The following RBKS variants were observed in gnomAD, a reference collection of about 807,000 sequenced individuals.
The protein encoded by RBKS is ribokinase.
In RBKS, 33 loss-of-function variants were observed where a neutral mutation model predicts 33.9. The observed-to-expected ratio is 0.97, with a 90% CI of 0.74 to 1.30. RBKS has a LOEUF of 1.30. RBKS is among the 50% of genes most tolerant of loss of function. The pLI is 0.00. For missense variants in RBKS, 361 were observed against 392.6 expected (o/e 0.92, Z 0.68); for synonymous variants, 125 against 143.0 (o/e 0.87, Z 0.90).
intron 7 of RBKS, among the ~76,000 whole-genome samples, chr2:27,786,774 G>A (rs1273357963): frequency 3.8e-5 from 5 of 133,260 alleles, no homozygotes; most frequent in Admixed American, 1.6e-4. Flanking sequence ...GAGTGAGACT[G>A]TCTCAAAAAA....
At position 27,890,252 on chromosome 2, in the gene RBKS, C is replaced by G; in HGVS notation, c.89+5G>C. 1 of 1,613,404 alleles carries G rather than the reference C, an allele frequency of 6.2e-7. No individual in the cohort carries two copies. The highest frequency in any genetic ancestry group is 8.5e-7 in the Non-Finnish European group (1 of 1,179,866). On this transcript the variant is annotated splice_donor_5th_base_variant and intron_variant, in intron 1 of 7. Coordinates refer to ENST00000302188, the MANE Select transcript of RBKS (RefSeq NM_022128.3). This position sits in a 1 kb window ranked among gnomAD's most constrained non-coding sequence, Gnocchi z 4.8. ...CGCAGACTGAGTAACTGGCCCCGGA[C>G]TAACCTGACCAGGTCGGTCATGCAG...
intron 2 of RBKS, among the ~76,000 whole-genome samples, chr2:27,858,001 T>C (rs1474783806): frequency 3.3e-5 from 5 of 152,210 alleles, no homozygotes; most frequent in Non-Finnish European, 5.9e-5. Context: ...AATTGTGGTA[T>C]ATCCATACAA....
At chr2:27,784,262 C>A (rs1677356554) in intron 7 of RBKS, among the ~76,000 whole-genome samples, 1 of 151,672 alleles carries the variant, frequency 6.6e-6, no homozygotes, top group Non-Finnish European at 1.5e-5. Flanking sequence ...GGATTACAGG[C>A]GTGAGCCACC....
intron 4 of RBKS, among the ~76,000 whole-genome samples, chr2:27,843,725 T>C (rs1663561077): frequency 6.6e-6 from 1 of 152,208 alleles, no homozygotes; most frequent in Non-Finnish European, 1.5e-5. Context: ...ATCTAACAGA[T>C]AGAAAATTGT....
intron 5 of RBKS, among the ~76,000 whole-genome samples, chr2:27,842,746 T>A (rs1663537476): frequency 6.6e-6 from 1 of 151,594 alleles, no homozygotes. Context: ...AACCTCCACC[T>A]CTAGGGTTCA....
At chr2:27,861,260 G>A (rs955880674) in intron 1 of RBKS, among the ~76,000 whole-genome samples, 2 of 151,934 alleles carry the variant, frequency 1.3e-5, no homozygotes, top group South Asian at 2.1e-4. Context: ...GAGCCACCGC[G>A]CCCAGCCTCC....
intron 7 of RBKS, among the ~76,000 whole-genome samples, chr2:27,792,867 C>A (rs988939201): frequency 6.7e-6 from 1 of 148,632 alleles, no homozygotes; most frequent in Admixed American, 6.6e-5. Flanking sequence ...CAGAGTACCT[C>A]ATTTTGCCAG....
intron 7 of RBKS, among the ~76,000 whole-genome samples, chr2:27,802,628 G>C (rs55768808): frequency 0.035 from 5,353 of 152,240 alleles, 313 homozygotes; most frequent in African/African-American, 0.12. Context: ...GGGACTTCTA[G>C]TGAGTTAAGA....
intron 7 of RBKS, among the ~76,000 whole-genome samples, chr2:27,824,364 A>G (rs1205115751): frequency 1.3e-5 from 2 of 152,162 alleles, no homozygotes; most frequent in African/African-American, 4.8e-5. Flanking sequence ...CTCCTTACCC[A>G]TTAGGCAGTT....
chr2:27,880,418 G>C (rs2148231443), intron 1 of RBKS, among the ~76,000 whole-genome samples: 1 of 152,240 alleles, frequency 6.6e-6, no homozygotes, highest in South Asian at 2.1e-4. Flanking sequence ...GGAAGTCCTT[G>C]CCAGAGTAAC....
intron 2 of RBKS, among the ~76,000 whole-genome samples, chr2:27,851,095 C>G (rs1256259091): frequency 1.3e-5 from 2 of 152,182 alleles, no homozygotes; most frequent in Admixed American, 1.3e-4. Flanking sequence ...TGCAGGTGAG[C>G]ATTACTTCAA....
intron 7 of RBKS, among the ~76,000 whole-genome samples, chr2:27,792,381 A>G (rs1357669978): frequency 6.6e-6 from 1 of 152,240 alleles, no homozygotes; most frequent in Non-Finnish European, 1.5e-5. Flanking sequence ...CATCTCTCTC[A>G]TAAGGATTTT....
chr2:27,877,190 A>G (rs1291854969), intron 1 of RBKS, among the ~76,000 whole-genome samples: 1 of 152,012 alleles, frequency 6.6e-6, no homozygotes, highest in Admixed American at 6.6e-5. Flanking sequence ...TTTCTTTGCT[A>G]CTCTGATATT....
intron 7 of RBKS, among the ~76,000 whole-genome samples, chr2:27,804,391 C>A (rs1487111505): frequency 6.6e-6 from 1 of 152,216 alleles, no homozygotes; most frequent in Non-Finnish European, 1.5e-5. Context: ...CAACCATCCA[C>A]AGGCCTAGGA....
chr2:27,846,976 G>A, intron 4 of RBKS, 66 bp downstream of exon 4: 2 of 1,129,478 alleles, frequency 1.8e-6, no homozygotes, highest in Non-Finnish European at 2.7e-6. Context: ...AAAAATTGAT[G>A]CTTCTGATCT....
intron 7 of RBKS, among the ~76,000 whole-genome samples, chr2:27,821,002 T>TAGA: frequency 7.7e-6 from 1 of 129,636 alleles, no homozygotes; most frequent in African/African-American, 3.1e-5. Context: ...ACTGCGCCAC[T>TAGA]GCACTCCAGC....
At chr2:27,790,799 G>A (rs1573032426) in intron 7 of RBKS, among the ~76,000 whole-genome samples, 1 of 152,196 alleles carries the variant, frequency 6.6e-6, no homozygotes, top group African/African-American at 2.4e-5. Flanking sequence ...GTGGAGATAC[G>A]AGAAGTCTTA....
At chr2:27,783,608 C>T (rs1677330341) in intron 7 of RBKS, among the ~76,000 whole-genome samples, 1 of 151,950 alleles carries the variant, frequency 6.6e-6, no homozygotes, top group African/African-American at 2.4e-5. Context: ...CACAGTCTCA[C>T]TTGAAAAACC....
Position 27,873,831 on chromosome 2 carries a change from C to CAA in RBKS, c.90-15262_90-15261dup, listed in dbSNP as rs67868536. On this transcript the variant is annotated intron_variant, in intron 1 of 7. Transcript: ENST00000302188. The stretch of plus-strand genomic sequence containing the variant: ...ATATGTGATGTATCTGGGAAACAAA[C>CAA]AAAAAAAAAACAAAACACCCTGAAA... Among the ~76,000 whole-genome samples, 344 of 150,282 alleles carry CAA rather than the reference C, an allele frequency of 2.3e-3. 5 individuals carry two copies. The East Asian group carries it at 0.03, about 13-fold the overall frequency.
Sources: allele counts gnomAD v4.1 joint callset (sites outside exome capture counted in the v4.1 genomes callset), GRCh38; gene constraint gnomAD v4.1.1; non-coding constraint Gnocchi (gnomAD v3.1); transcripts MANE v1.5; gene names NCBI Gene and HGNC (gene_info 2026-07-23, HGNC 2026-07-21).